MPO: variants seen among roughly 807,000 people sequenced by gnomAD.
MPO encodes myeloperoxidase.
Under a neutral mutation model 69.4 loss-of-function variants are expected in MPO, and 57 were observed. The ratio of observed to expected loss-of-function variants is 0.82; its 90% CI spans 0.66 to 1.02. MPO has a LOEUF of 1.02. Ranked by LOEUF, MPO falls within the 50% of genes least tolerant of loss-of-function variation. MPO has a pLI of 0.00. For synonymous variants in MPO, 426 were observed against 417.1 expected (o/e 1.02, Z -0.26); for missense variants, 971 against 1,014.1 (o/e 0.96, Z 0.58).
In MPO at chr17:58,279,075, G is replaced by A. The variant is rs779841313; in HGVS notation, c.818C>T (p.Ala273Val). The change falls in exon 6 of 12, where the codon GCC becomes GTC. Residue 273 changes from alanine (A) to valine (V), a missense_variant. Ala to Val is a moderately conservative substitution (Grantham distance 64). Transcript: ENST00000225275. ...GCAGTTGACGCCAGTGACGAAGGAG[G>A]CCCGGGCGGCCGGCTCAGGGGTGAA... ...LDFTPEPAARASFVTGVNCET... is the reference protein window; with the variant it reads ...LDFTPEPAARVSFVTGVNCET... 1 of 1,613,084 alleles carries A rather than the reference G, an allele frequency of 6.2e-7. No homozygotes were observed. The highest frequency in any genetic ancestry group is 8.5e-7 in the Non-Finnish European group (1 of 1,179,740).
In MPO at chr17:58,275,522, C is replaced by A. The variant is rs11575868; in HGVS notation, c.1365+20G>T. On this transcript the variant is annotated intron_variant, in intron 8 of 11. Transcript: ENST00000225275. This position sits in a 1 kb window ranked among gnomAD's most constrained non-coding sequence, Gnocchi z 4.1. The stretch of plus-strand genomic sequence containing the variant: ...GGGACACATCTGGATCCCGTGTGCC[C>A]GGTGTTCAAGACGGCCTACCTGGAC... 2 of 1,613,922 alleles carry A rather than the reference C, an allele frequency of 1.2e-6. No homozygotes were observed. Among genetic ancestry groups the A allele is most frequent in the Non-Finnish European group, 1.7e-6 (2 of 1,179,936 alleles).
At position 58,279,397 on chromosome 17, in the gene MPO, C is replaced by G. The variant is rs781520437; in HGVS notation, c.578G>C (p.Arg193Pro). 5.0e-5 allele frequency: 80 copies of G among 1,607,332 alleles called. No individual in the cohort carries two copies. Among genetic ancestry groups the G allele is most frequent in the Non-Finnish European group, 3.1e-5 (37 of 1,177,308 alleles). ...CGCCGGCAGCCAGCGCACAAAGGCA[C>G]GGTTGGAGGCCCCCAGCGTGGGGCT... is the stretch of plus-strand genomic sequence containing the variant. Reference protein sequence around the residue: ...RRSPTLGASNRAFVRWLPAEY... With the variant: ...RRSPTLGASNPAFVRWLPAEY... Residue 193 changes from arginine (R) to proline (P), a missense_variant, in exon 5 of 12, where the codon CGT becomes CCT. Transcript: ENST00000225275.
At position 58,275,153 on chromosome 17, in the gene MPO, G is replaced by A. The variant is rs1479050636; in HGVS notation, c.1365+389C>T. ...GCTGGGATTACAGGCATGAGCCACC[G>A]CGCCCAGCCCTATAATTTTTTTAAT... On this transcript the variant is annotated intron_variant, in intron 8 of 11. Transcript: ENST00000225275. The surrounding 1 kb of genome is among the most constrained non-coding windows in gnomAD (Gnocchi z 4.1). Among the ~76,000 whole-genome samples the A allele has an allele frequency of 2.6e-5, 4 of 152,228 alleles. No individual in the cohort carries two copies. The highest frequency in any genetic ancestry group is 6.5e-5 in the Admixed American group (1 of 15,300).
chr17:58,273,311 G>A, intron 9 of MPO, 103 bp downstream of exon 9: 2 of 1,560,852 alleles, frequency 1.3e-6, no homozygotes, highest in East Asian at 4.5e-5. Flanking sequence ...TCCAAGATGG[G>A]AGGAAAGCAG....
chr17:58,270,747 T>A lies in MPO; in HGVS notation c.2147A>T (p.Asn716Ile), dbSNP rs777739341. The A allele has an allele frequency of 4.0e-5, 65 of 1,613,986 alleles. No individual in the cohort carries two copies. The highest frequency in any genetic ancestry group is 4.9e-5 in the Non-Finnish European group (58 of 1,180,006). Reference protein sequence around the residue: ...NTGITTVSKNNIFMSNSYPRD... With the variant: ...NTGITTVSKNIIFMSNSYPRD... ...GGGATATGAGTTGGACATGAAGATG[T>A]TGTTCTTAGACACGGTGGTGATGCC... The change falls in exon 12 of 12, where the codon AAC (asparagine) becomes ATC (isoleucine). Residue 716 changes from asparagine (N) to isoleucine (I), a missense_variant. Transcript: ENST00000225275. This position sits in a 1 kb window ranked among gnomAD's most constrained non-coding sequence, Gnocchi z 4.1.
Position 58,270,703 on chromosome 17 carries a change from T to C in MPO, c.2191A>G (p.Ser731Gly). 2 of 1,614,066 alleles carry C rather than the reference T, an allele frequency of 1.2e-6. No homozygotes were observed. The highest frequency in any genetic ancestry group is 1.7e-6 in the Non-Finnish European group (2 of 1,179,968). The change falls in exon 12 of 12, where the codon AGT becomes GGT. Residue 731 changes from serine (S) to glycine (G), a missense_variant. Transcript: ENST00000225275. The surrounding 1 kb of genome is among the most constrained non-coding windows in gnomAD (Gnocchi z 4.1). ...GCCAGGTTCAATGCAGGAAGTGTAC[T>C]GCAGTTGACAAAGTCCCGGGGATAT... ...NSYPRDFVNC[S>G]TLPALNLASW...
chr17:58,277,939 G>C lies in MPO; in HGVS notation c.1092C>G (p.Ala364=), dbSNP rs759133472. The change falls in exon 7 of 12, where the codon GCC becomes GCG. Residue 364 remains alanine, a synonymous_variant. Transcript: ENST00000225275. Reference sequence around the variant, plus strand: ...CGTTGTCTTGGAAGCGCTGGTTGACGGCCAGCAGCCCCAGCTGGTTGGACA... The same window carrying C: ...CGTTGTCTTGGAAGCGCTGGTTGACCGCCAGCAGCCCCAGCTGGTTGGACA... ...RNMSNQLGLL[A]VNQRFQDNGR... is the part of the protein sequence containing the mutation. 7 of 1,612,994 alleles carry C rather than the reference G, an allele frequency of 4.3e-6. No homozygotes were observed. Among genetic ancestry groups the C allele is most frequent in the South Asian group, 1.1e-5 (1 of 91,092 alleles).
In MPO at chr17:58,273,459, G is replaced by C. The variant is rs768996961; in HGVS notation, c.1576C>G (p.Pro526Ala). ...YQPMEPNPRV[P>A]LSRVFFASWR... Reference sequence around the variant, plus strand: ...GAGGCAAAAAAGACCCTGCTGAGGGGGACACGGGGGTTGGGTTCCATGGGC... The same window carrying C: ...GAGGCAAAAAAGACCCTGCTGAGGGCGACACGGGGGTTGGGTTCCATGGGC... The change falls in exon 9 of 12, where the codon CCC becomes GCC. Residue 526 changes from proline to alanine, a missense_variant. Coordinates refer to ENST00000225275, the MANE Select transcript of MPO (RefSeq NM_000250.2). 1 of 1,614,216 alleles carries C rather than the reference G, an allele frequency of 6.2e-7. No individual in the cohort carries two copies. The highest frequency in any genetic ancestry group is 1.1e-5 in the South Asian group (1 of 91,084).
intron 7 of MPO, among the ~76,000 whole-genome samples, chr17:58,277,563 A>G (rs1304541564): frequency 1.3e-5 from 2 of 152,206 alleles, no homozygotes; most frequent in Non-Finnish European, 2.9e-5. Flanking sequence ...AGGGACAGAG[A>G]AAGCAATGGA....
chr17:58,276,108 T>G (rs1482626676), intron 7 of MPO, among the ~76,000 whole-genome samples: 1 of 152,226 alleles, frequency 6.6e-6, no homozygotes, highest in Non-Finnish European at 1.5e-5. Context: ...ATGAGACTTA[T>G]GAACACTGCT....
At chr17:58,274,347 AGTGTGTGTGT>A (rs55893734) in intron 8 of MPO, 1,310 of 333,976 alleles carry the variant, frequency 3.9e-3, no homozygotes, top group Non-Finnish European at 5.3e-3. Flanking sequence ...AGAATCTAGG[AGTGTGTGTGT>A]GTGTGTGTGT....
At position 58,280,700 on chromosome 17, in the gene MPO, G is replaced by A; in HGVS notation, c.59C>T (p.Ala20Val). The change falls in exon 1 of 12, where the codon GCT becomes GTT. Residue 20 changes from alanine (A) to valine (V), a missense_variant. Coordinates refer to ENST00000225275, the MANE Select transcript of MPO (RefSeq NM_000250.2). ...CTTCATCTCTGCAGTGAGACCCCCA[G>A]CCCAGCAAGGTCCTAAGTCCACCAT... ...RCMVDLGPCWAGGLTAEMKLL... is the reference protein window; with the variant it reads ...RCMVDLGPCWVGGLTAEMKLL... 6.2e-7 allele frequency: 1 copy of A among 1,614,216 alleles called. No homozygotes were observed. The highest frequency in any genetic ancestry group is 8.5e-7 in the Non-Finnish European group (1 of 1,180,036).
intron 7 of MPO, 191 bp downstream of exon 7, chr17:58,277,636 G>T: frequency 1.2e-6 from 1 of 803,924 alleles, no homozygotes; most frequent in Non-Finnish European, 2.0e-6. Flanking sequence ...GAGGTTGTTT[G>T]CTTTTCTGCT....
chr17:58,280,828 T>C lies in MPO; in HGVS notation c.-70A>G. ...CACCTCAGAGGGCCCTGTCTATGGA[T>C]AAAGCCAGACCTCCTTGAGGGAGGG... is the stretch of plus-strand genomic sequence containing the variant. On this transcript the variant is annotated 5_prime_UTR_variant, in exon 1 of 12. Coordinates refer to ENST00000225275, the MANE Select transcript of MPO (RefSeq NM_000250.2). 1.3e-6 allele frequency: 2 copies of C among 1,583,900 alleles called. No homozygotes were observed. Among genetic ancestry groups the C allele is most frequent in the African/African-American group, 1.3e-5 (1 of 74,240 alleles).
intron 2 of MPO, 70 bp downstream of exon 2, chr17:58,280,296 T>C: frequency 6.6e-7 from 1 of 1,515,164 alleles, no homozygotes. Flanking sequence ...TCAAGCTCCC[T>C]GCTGCCTGCT....
At position 58,280,590 on chromosome 17, in the gene MPO, C is replaced by T. The variant is rs778636531; in HGVS notation, c.154+15G>A. 1.2e-6 allele frequency: 2 copies of T among 1,614,218 alleles called. No homozygotes were observed. Among genetic ancestry groups the T allele is most frequent in the South Asian group, 1.1e-5 (1 of 91,082 alleles). On this transcript the variant is annotated intron_variant, in intron 1 of 11. Transcript: ENST00000225275. ...ACCCCAACACACCATCTTCTCCCAC[C>T]TTGGGAACTGTTACCTGGAGCAGCA...
chr17:58,273,446 A>G lies in MPO; in HGVS notation c.1589T>C (p.Val530Ala). 1.2e-6 allele frequency: 2 copies of G among 1,613,998 alleles called. No individual in the cohort carries two copies. Among genetic ancestry groups the G allele is most frequent in the Non-Finnish European group, 8.5e-7 (1 of 1,180,006 alleles). ...EPNPRVPLSR[V>A]FFASWRVVLE... ...CACGACCCTCCAGGAGGCAAAAAAG[A>G]CCCTGCTGAGGGGGACACGGGGGTT... Residue 530 changes from valine (V) to alanine (A), a missense_variant, in exon 9 of 12, where the codon GTC becomes GCC. Coordinates refer to ENST00000225275, the MANE Select transcript of MPO (RefSeq NM_000250.2).
At position 58,275,022 on chromosome 17, in the gene MPO, G is replaced by A. The variant is rs755047464; in HGVS notation, c.1365+520C>T. 5.7e-4 allele frequency among the ~76,000 whole-genome samples: 87 copies of A among 151,712 alleles called. No individual in the cohort carries two copies. Among genetic ancestry groups the A allele is most frequent in the Non-Finnish European group, 9.1e-4 (62 of 67,812 alleles). On this transcript the variant is annotated intron_variant, in intron 8 of 11. Transcript: ENST00000225275. The surrounding 1 kb of genome is among the most constrained non-coding windows in gnomAD (Gnocchi z 4.1). ...TGGGACTACAGGTGCCCGCCACCAC[G>A]CCCGGCTAATTTTTGTATTTTTAGT...
rs758525886 is a variant in MPO at position 58,280,603 on chromosome 17, A to G, written c.154+2T>C. The G allele has an allele frequency of 1.9e-6, 3 of 1,614,210 alleles. No homozygotes were observed. The South Asian group carries it at 3.3e-5, about 18-fold the overall frequency. ...ATCTTCTCCCACCTTGGGAACTGTT[A>G]CCTGGAGCAGCACCTTCAGAGGGCT... is the stretch of plus-strand genomic sequence containing the variant. On this transcript the variant is annotated splice_donor_variant, in intron 1 of 11. Coordinates refer to ENST00000225275, the MANE Select transcript of MPO (RefSeq NM_000250.2). LOFTEE classifies it high-confidence loss of function.
Sources: gnomAD v4.1 joint callset for allele counts (sites outside exome capture counted in the v4.1 genomes callset) on GRCh38, gnomAD v4.1.1 for gene constraint, Gnocchi (gnomAD v3.1) non-coding constraint, MANE v1.5 for transcripts, NCBI Gene and HGNC (gene_info 2026-07-23, HGNC 2026-07-21) for gene names.